The following CGB7 variants were observed in gnomAD, a reference collection of about 807,000 sequenced individuals.
The protein encoded by CGB7 is choriogonadotropin subunit beta 7.
Under a neutral mutation model 7.3 loss-of-function variants are expected in CGB7, and 6 were observed. The ratio of observed to expected loss-of-function variants is 0.82; its 90% confidence interval spans 0.45 to 1.62. CGB7 has a LOEUF of 1.62. Among genes scored for constraint, CGB7 ranks in the 40% most tolerant of loss-of-function variants. The probability of loss-of-function intolerance (pLI) is 0.01; values close to 1 mark genes in which losing one functional copy is unlikely to be tolerated. For synonymous variants in CGB7, 47 were observed against 100.8 expected, an observed-to-expected ratio of 0.47 and a Z score of 3.20; for missense variants, 114 against 236.2, an observed-to-expected ratio of 0.48 and a Z score of 3.39.
Position 49,056,406 on chromosome 19 carries a change from G to A in CGB7, c.-1031C>T, listed in dbSNP as rs1466445392. 3 of 1,296,310 alleles carry A rather than the reference G, an allele frequency of 2.3e-6. No homozygotes were observed. The highest frequency in any genetic ancestry group is 3.0e-6 in the Non-Finnish European group (3 of 992,926). The allele number at this position is 1,296,310 out of a possible 1,614,324, so 80.3% of individuals were successfully genotyped here. ...TCCAGCGGGCGGAAGCGGTCGAGCC[G>A]GCGGAGCGGGTGCGGCGAGGAGCTG... On this transcript the variant is annotated 5_prime_UTR_variant, in exon 3 of 5. Coordinates refer to ENST00000684222, the MANE Select transcript of CGB7 (RefSeq NM_001385261.1).
chr19:49,055,193 C>T (rs1189215161), intron 3 of CGB7, 168 bp downstream of exon 3: 2 of 984,532 alleles, frequency 2.0e-6, no homozygotes, highest in Non-Finnish European at 2.4e-6. Flanking sequence ...CTGAGATGCC[C>T]CAACATTTCA....
chr19:49,055,926 T>C lies in CGB7; in HGVS notation c.-551A>G, dbSNP rs1228891462. 1 of 1,097,636 alleles carries C rather than the reference T, an allele frequency of 9.1e-7. No individual in the cohort carries two copies. The highest frequency in any genetic ancestry group is 1.7e-5 in the African/African-American group (1 of 60,268). 68.0% of individuals were successfully genotyped at this position (1,097,636 alleles called of 1,614,324 possible). A position where few individuals can be genotyped will look rare whatever the true frequency, so the allele number is the denominator to read the frequency against. On this transcript the variant is annotated 5_prime_UTR_variant, in exon 3 of 5. Coordinates refer to ENST00000684222, the MANE Select transcript of CGB7 (RefSeq NM_001385261.1). Reference sequence around the variant, plus strand: ...ATTCAGCCCGAGCCCCACCTCTCCCTTAGGAACCTCCGCCCACCCTACCCT... The same window carrying C: ...ATTCAGCCCGAGCCCCACCTCTCCCCTAGGAACCTCCGCCCACCCTACCCT...
Position 49,057,171 on chromosome 19 carries a change from G to A in CGB7, c.-1271C>T. ...CCGAGGTGGTCAGATAGAGCTGGCG[G>A]CGGTTCAGGACGCCCCGGTCGGATA... On this transcript the variant is annotated 5_prime_UTR_variant, in exon 2 of 5. Coordinates refer to ENST00000684222, the MANE Select transcript of CGB7 (RefSeq NM_001385261.1). 1 of 1,534,506 alleles carries A rather than the reference G, an allele frequency of 6.5e-7. No homozygotes were observed. Among genetic ancestry groups the A allele is most frequent in the Non-Finnish European group, 8.7e-7 (1 of 1,146,394 alleles).
intron 2 of CGB7, 79 bp from the exon 3 acceptor site, chr19:49,056,674 T>C (rs574172800): frequency 9.2e-5 from 106 of 1,157,658 alleles, no homozygotes; most frequent in Non-Finnish European, 1.1e-4. Flanking sequence ...CTAAGGAGTC[T>C]GCACATTCAA....
Position 49,057,561 on chromosome 19 carries a change from T to C in CGB7, c.-1448A>G. The C allele has an allele frequency of 1.3e-5, 15 of 1,191,218 alleles. No individual in the cohort carries two copies. Among genetic ancestry groups the C allele is most frequent in the Non-Finnish European group, 1.5e-5 (14 of 953,816 alleles). 73.8% of individuals were successfully genotyped at this position (1,191,218 alleles called of 1,614,324 possible). On this transcript the variant is annotated 5_prime_UTR_variant, in exon 1 of 5. Coordinates refer to ENST00000684222, the MANE Select transcript of CGB7 (RefSeq NM_001385261.1). ...TTCTGCCCCCGGTCTCAAGCCTTCT[T>C]GGTGTGGCCACTGGAGCTGAGCTGC...
chr19:49,056,474 G>C lies in CGB7; in HGVS notation c.-1099C>G. 7.7e-7 allele frequency: 1 copy of C among 1,300,764 alleles called. No individual in the cohort carries two copies. Among genetic ancestry groups the C allele is most frequent in the South Asian group, 1.2e-5 (1 of 81,988 alleles). The allele number at this position is 1,300,764 out of a possible 1,614,324, so 80.6% of individuals were successfully genotyped here. ...AGACATGGCCCGCCGTGCGGCGCTC[G>C]AGGCGGCCTGGAAGAGCAGAGACAG... On this transcript the variant is annotated 5_prime_UTR_variant, in exon 3 of 5. Coordinates refer to ENST00000684222, the MANE Select transcript of CGB7 (RefSeq NM_001385261.1).
chr19:49,056,095 C>T lies in CGB7; in HGVS notation c.-720G>A. 1 of 1,181,470 alleles carries T rather than the reference C, an allele frequency of 8.5e-7. No homozygotes were observed. Among genetic ancestry groups the T allele is most frequent in the South Asian group, 1.6e-5 (1 of 62,530 alleles). The allele number at this position is 1,181,470 out of a possible 1,614,324, so 73.2% of individuals were successfully genotyped here. A position where few individuals can be genotyped will look rare whatever the true frequency, so the allele number is the denominator to read the frequency against. ...TTGTCTGGACTTAGTCCCTTCCCCG[C>T]GATCCAGCCGCAGCTGAGTGGGCGT... On this transcript the variant is annotated 5_prime_UTR_variant, in exon 3 of 5. Coordinates refer to ENST00000684222, the MANE Select transcript of CGB7 (RefSeq NM_001385261.1).
rs111695299 is a variant in CGB7, at chr19:49,057,245, G to C, written c.-1345C>G. 2.0e-5 allele frequency: 30 copies of C among 1,533,120 alleles called. No individual in the cohort carries two copies. Among genetic ancestry groups the C allele is most frequent in the African/African-American group, 1.6e-4 (12 of 73,050 alleles). 95.0% of individuals were successfully genotyped at this position (1,533,120 alleles called of 1,614,324 possible). ...GCGGGGTTCTTCGTGCAGGCGATTAGAGCCTGAGCAAGATTGGGGGAGGAG... is the reference window on the plus strand; with the variant it reads ...GCGGGGTTCTTCGTGCAGGCGATTACAGCCTGAGCAAGATTGGGGGAGGAG... On this transcript the variant is annotated 5_prime_UTR_variant, in exon 2 of 5. Coordinates refer to ENST00000684222, the MANE Select transcript of CGB7 (RefSeq NM_001385261.1).
Position 49,056,139 on chromosome 19 carries a change from C to G in CGB7, c.-764G>C, listed in dbSNP as rs2040058637. ...TGGGCGTGTCTGGGCTAGTCCTGTC[C>G]CCACACTGCGGATAGACTTAATGAG... On this transcript the variant is annotated 5_prime_UTR_variant, in exon 3 of 5. Transcript: ENST00000684222. 1 of 1,212,056 alleles carries G rather than the reference C, an allele frequency of 8.3e-7. No homozygotes were observed. The highest frequency in any genetic ancestry group is 1.6e-5 in the African/African-American group (1 of 63,406). 75.1% of individuals were successfully genotyped at this position (1,212,056 alleles called of 1,614,324 possible).
Position 49,056,278 on chromosome 19 carries a change from C to A in CGB7, c.-903G>T, listed in dbSNP as rs1337157359. The A allele has an allele frequency of 1.5e-6, 2 of 1,291,208 alleles. No homozygotes were observed. The highest frequency in any genetic ancestry group is 1.5e-5 in the African/African-American group (1 of 65,878). The allele number at this position is 1,291,208 out of a possible 1,614,324, so 80.0% of individuals were successfully genotyped here. A position where few individuals can be genotyped will look rare whatever the true frequency, so the allele number is the denominator to read the frequency against. On this transcript the variant is annotated 5_prime_UTR_variant, in exon 3 of 5. Coordinates refer to ENST00000684222, the MANE Select transcript of CGB7 (RefSeq NM_001385261.1). Reference sequence around the variant, plus strand: ...GGCTGGCCCGGCAGGCTCCCACTAGCCCCGGCTTACAGCGGCCTGAGCGGG... The same window carrying A: ...GGCTGGCCCGGCAGGCTCCCACTAGACCCGGCTTACAGCGGCCTGAGCGGG...
chr19:49,056,981 T>A (rs1052672165), intron 2 of CGB7, 140 bp downstream of exon 2: 3 of 899,728 alleles, frequency 3.3e-6, no homozygotes, highest in East Asian at 5.4e-5. Context: ...GGGGCTGGGG[T>A]CTGAACTGTG....
In CGB7 at chr19:49,055,222, C is replaced by A. The variant is rs551128870; in HGVS notation, c.15+139G>T. 67 of 1,594,792 alleles carry A rather than the reference C, an allele frequency of 4.2e-5. 1 individual carries two copies. The highest frequency in any genetic ancestry group is 5.4e-5 in the Non-Finnish European group (63 of 1,169,992). On this transcript the variant is annotated intron_variant, in intron 3 of 4. Coordinates refer to ENST00000684222, the MANE Select transcript of CGB7 (RefSeq NM_001385261.1). The stretch of plus-strand genomic sequence containing the variant: ...CATTTCAGATCCCCACCCTCAGGAA[C>A]TGCCCCACGTGAAGCTTATTGGGGG...
At chr19:49,055,071 TC>T in intron 3 of CGB7, 63 bp from the exon 4 acceptor site, 1 of 1,599,860 alleles carries the variant, frequency 6.3e-7, no homozygotes. Context: ...GGCCTTCCCA[TC>T]CCCCAGGGTA....
Position 49,054,904 on chromosome 19 carries a change from C to CT in CGB7, c.119dup (p.Glu41GlyfsTer79). 1 of 1,590,746 alleles carries CT rather than the reference C, an allele frequency of 6.3e-7. No individual in the cohort carries two copies. The highest frequency in any genetic ancestry group is 8.5e-7 in the Non-Finnish European group (1 of 1,172,134). ...CGGTGATGCACACGGGGCAGCCCTC[C>CT]TTCTCCACAGCCAGGGTGGCATTGA... On this transcript the variant is annotated frameshift_variant, in exon 4 of 5. Coordinates refer to ENST00000684222, the MANE Select transcript of CGB7 (RefSeq NM_001385261.1). LOFTEE classifies it high-confidence loss of function.
Position 49,055,491 on chromosome 19 carries a change from G to A in CGB7, c.-116C>T, listed in dbSNP as rs1249830971. 6.2e-6 allele frequency: 10 copies of A among 1,604,122 alleles called. No individual in the cohort carries two copies. Among genetic ancestry groups the A allele is most frequent in the Admixed American group, 1.7e-5 (1 of 59,674 alleles). ...TGAGCTGGACACTAACCCTTCGGGG[G>A]GCGAGAAGTAGACAAGGCCAGGGAG... On this transcript the variant is annotated 5_prime_UTR_variant, in exon 3 of 5. Transcript: ENST00000684222.
rs761071815 is a variant in CGB7, at chr19:49,056,164, G to A, written c.-789C>T. The A allele has an allele frequency of 8.0e-7, 1 of 1,248,028 alleles. No homozygotes were observed. The highest frequency in any genetic ancestry group is 1.3e-5 in the South Asian group (1 of 77,054). The allele number at this position is 1,248,028 out of a possible 1,614,324, so 77.3% of individuals were successfully genotyped here. A position where few individuals can be genotyped will look rare whatever the true frequency, so the allele number is the denominator to read the frequency against. On this transcript the variant is annotated 5_prime_UTR_variant, in exon 3 of 5. Transcript: ENST00000684222. ...CCCACACTGCGGATAGACTTAATGAGTGCGAGCCCACCTAGGTCCGACACC... is the reference window on the plus strand; with the variant it reads ...CCCACACTGCGGATAGACTTAATGAATGCGAGCCCACCTAGGTCCGACACC...
At chr19:49,055,034 G>C (rs374713601) in intron 3 of CGB7, 26 bp from the exon 4 acceptor site, 64 of 1,601,190 alleles carry the variant, frequency 4.0e-5, no homozygotes, top group South Asian at 3.3e-4. Flanking sequence ...TGCTTCACCC[G>C]GGCCTGAGAC....
At chr19:49,056,781 G>A (rs930648911) in intron 2 of CGB7, among the ~76,000 whole-genome samples, 186 bp from the exon 3 acceptor site, 2 of 152,214 alleles carry the variant, frequency 1.3e-5, no homozygotes, top group Admixed American at 6.5e-5. Flanking sequence ...CGTCCTGGAA[G>A]CTGAGCTTTC....
intron 2 of CGB7, 109 bp downstream of exon 2, chr19:49,057,012 C>G (rs2040073990): frequency 1.7e-6 from 2 of 1,203,624 alleles, no homozygotes; most frequent in Non-Finnish European, 2.3e-6. Flanking sequence ...CTATAGGAGT[C>G]GAGACTGAGA....
Sources: gnomAD v4.1 joint callset for allele counts (sites outside exome capture counted in the v4.1 genomes callset) on GRCh38, gnomAD v4.1.1 for gene constraint, MANE v1.5 for transcripts, NCBI Gene and HGNC (gene_info 2026-07-23, HGNC 2026-07-21) for gene names.